Variants in DCAF8L2 observed in about 807,000 individuals in gnomAD.
DCAF8L2 encodes the protein DDB1 and CUL4 associated factor 8 like 2, also known as DDB1- and CUL4-associated factor 8-like protein 2.
For synonymous variants in DCAF8L2, 200 were observed against 190.9 expected (o/e 1.05, Z -0.39); for missense variants, 430 against 490.7 (o/e 0.88, Z 1.17).
At chrX:27,703,573 C>T (rs941399543) in intron 3 of DCAF8L2, among the ~76,000 whole-genome samples, 2 of 110,948 alleles carry the variant, frequency 1.8e-5, no homozygotes, top group African/African-American at 6.6e-5. Context: ...AAATCAATCA[C>T]GGTCAGTTGA....
chrX:27,645,151 C>T (rs1372090786), intron 2 of DCAF8L2, among the ~76,000 whole-genome samples: 1 of 111,912 alleles, frequency 8.9e-6, no homozygotes, highest in African/African-American at 3.3e-5. Flanking sequence ...CTCTGATGAA[C>T]ATTGATGGAA....
In DCAF8L2 at chrX:27,641,463, CTTTACTTTTCTT is replaced by C. The variant is rs1316703129; in HGVS notation, c.-220+9467_-220+9478del. On this transcript the variant is annotated intron_variant, in intron 2 of 4. Coordinates refer to ENST00000451261, the MANE Select transcript of DCAF8L2 (RefSeq NM_001353450.2). Reference sequence around the variant, plus strand: ...CTTTTCTTTTCTTTTCTTTCCTTTTCTTTACTTTTCTTTTTTTTTTTTTTTTGAGATGGAATT... The same window carrying C: ...CTTTTCTTTTCTTTTCTTTCCTTTTCTTTTTTTTTTTTTTGAGATGGAATT... 1.5e-3 allele frequency among the ~76,000 whole-genome samples: 142 copies of C among 94,299 alleles called. 1 individual carries two copies. Among genetic ancestry groups the C allele is most frequent in the East Asian group, 0.013 (40 of 3,097 alleles). 81.9% of individuals were successfully genotyped at this position (94,299 alleles called of 115,157 possible).
At chrX:27,720,663 G>A (rs931048748) in intron 4 of DCAF8L2, among the ~76,000 whole-genome samples, 17 of 111,869 alleles carry the variant, frequency 1.5e-4, no homozygotes, top group South Asian at 3.6e-4. Context: ...GTGAGCCACC[G>A]CGCCCTGCCG....
chrX:27,515,096 G>T, the DCAF8L2 span, among the ~76,000 whole-genome samples: 1 of 111,796 alleles, frequency 8.9e-6, no homozygotes, highest in African/African-American at 3.3e-5. Flanking sequence ...TGATTTGATT[G>T]TTATATAATA....
chrX:27,663,864 AT>A (rs80069253), intron 2 of DCAF8L2, among the ~76,000 whole-genome samples: 7,594 of 68,928 alleles, frequency 0.11, 657 homozygotes, highest in East Asian at 0.3. Flanking sequence ...CACCTGGCTA[AT>A]TTTTTTTTTT....
intron 2 of DCAF8L2, among the ~76,000 whole-genome samples, chrX:27,642,586 C>G (rs1271110727): frequency 9.0e-6 from 1 of 111,061 alleles, no homozygotes; most frequent in African/African-American, 3.3e-5. Context: ...TCTCTCTTTT[C>G]TACTCTCCCA....
intron 1 of DCAF8L2, among the ~76,000 whole-genome samples, chrX:27,614,773 T>A (rs759449585): frequency 9.0e-6 from 1 of 111,642 alleles, no homozygotes; most frequent in African/African-American, 3.3e-5. Context: ...TTGAGTGAGT[T>A]TCTTAATCCT....
At chrX:27,544,388 A>G in the DCAF8L2 span, among the ~76,000 whole-genome samples, 1 of 111,942 alleles carries the variant, frequency 8.9e-6, no homozygotes, top group East Asian at 2.8e-4. Flanking sequence ...TTATTAGTGA[A>G]CCTTCAGAGA....
intron 3 of DCAF8L2, among the ~76,000 whole-genome samples, chrX:27,687,464 A>C (rs986348379): frequency 8.9e-6 from 1 of 112,032 alleles, no homozygotes; most frequent in African/African-American, 3.2e-5. Context: ...TAAATAGCAA[A>C]AGGCAACTAA....
chrX:27,543,996 A>G, the DCAF8L2 span, among the ~76,000 whole-genome samples: 1 of 112,184 alleles, frequency 8.9e-6, no homozygotes, highest in African/African-American at 3.2e-5. Flanking sequence ...CTGTAGAGAA[A>G]ATCTGCATTG....
intron 1 of DCAF8L2, among the ~76,000 whole-genome samples, chrX:27,606,358 A>AATATAT (rs200718182): frequency 0.029 from 1,150 of 39,745 alleles, 55 homozygotes; most frequent in Middle Eastern, 0.11. Flanking sequence ...TATATCTAGG[A>AATATAT]ATATATATAT....
intron 1 of DCAF8L2, among the ~76,000 whole-genome samples, chrX:27,613,987 A>C (rs888323142): frequency 6.3e-5 from 7 of 110,554 alleles, no homozygotes; most frequent in African/African-American, 2.3e-4. Context: ...AGGGAGAATT[A>C]CCTCTTTTTC....
intron 2 of DCAF8L2, among the ~76,000 whole-genome samples, chrX:27,675,707 C>T: frequency 8.9e-6 from 1 of 111,906 alleles, no homozygotes; most frequent in East Asian, 2.8e-4. Context: ...TCTTGCTTCA[C>T]CAAAGCCTTG....
chrX:27,591,717 G>T (rs996804485), intron 1 of DCAF8L2, among the ~76,000 whole-genome samples: 7 of 111,557 alleles, frequency 6.3e-5, no homozygotes, highest in African/African-American at 2.0e-4. Context: ...ATAAACGAAG[G>T]CTCAGGGAAG....
rs745889135 is a variant in DCAF8L2 at position 27,749,472 on chromosome X, C to T, written c.*681C>T. Among the ~76,000 whole-genome samples the T allele has an allele frequency of 2.2e-4, 25 of 112,031 alleles. No homozygotes were observed. The highest frequency in any genetic ancestry group is 3.9e-4 in the Non-Finnish European group (21 of 53,221). ...TAATTCATCTCCTTAGAATAAATAA[C>T]GTGGGATTGCCTACATTTTCTGAAT... is the stretch of plus-strand genomic sequence containing the variant. On this transcript the variant is annotated 3_prime_UTR_variant, in exon 5 of 5. Coordinates refer to ENST00000451261, the MANE Select transcript of DCAF8L2 (RefSeq NM_001353450.2).
At chrX:27,673,719 A>G (rs887300466) in intron 2 of DCAF8L2, among the ~76,000 whole-genome samples, 2 of 108,717 alleles carry the variant, frequency 1.8e-5, no homozygotes, top group Admixed American at 2.0e-4. Context: ...ATATATACAC[A>G]CACACATATA....
the DCAF8L2 span, among the ~76,000 whole-genome samples, chrX:27,581,321 C>T: frequency 8.9e-6 from 1 of 111,985 alleles, no homozygotes. Context: ...TTCCTCTCTG[C>T]TGGGTATATT....
At chrX:27,739,403 A>T (rs2147332858) in intron 4 of DCAF8L2, among the ~76,000 whole-genome samples, 1 of 111,712 alleles carries the variant, frequency 9.0e-6, no homozygotes, top group Admixed American at 9.5e-5. Context: ...AATAATTTCT[A>T]CACTTTCTTC....
chrX:27,621,650 CGT>C (rs1927765526), intron 1 of DCAF8L2, among the ~76,000 whole-genome samples: 2 of 111,174 alleles, frequency 1.8e-5, no homozygotes, highest in African/African-American at 6.5e-5. Flanking sequence ...ACCCATACAG[CGT>C]GTATAAGATA....
Sources: gnomAD v4.1 joint callset for allele counts (sites outside exome capture counted in the v4.1 genomes callset) on GRCh38, gnomAD v4.1.1 for gene constraint, MANE v1.5 for transcripts, NCBI Gene and HGNC (gene_info 2026-07-23, HGNC 2026-07-21) for gene names.